Variants in ZMIZ1 observed in about 807,000 individuals in gnomAD.
ZMIZ1 encodes the protein zinc finger MIZ-type containing 1.
In ZMIZ1, 17 loss-of-function variants were observed where a neutral mutation model predicts 113.9. The ratio of observed to expected loss-of-function variants is 0.15; its 90% CI spans 0.10 to 0.22. The LOEUF (loss-of-function observed/expected upper bound fraction) is 0.22, where lower values mean the gene tolerates loss of function less well. Ranked by LOEUF, ZMIZ1 falls within the 10% of genes least tolerant of loss-of-function variation. The pLI, the probability that ZMIZ1 is intolerant of heterozygous loss-of-function variation, is 1.00. For missense variants in ZMIZ1, 1,059 were observed against 1,477.8 expected (o/e 0.72, Z 4.65); for synonymous variants, 607 against 603.1 (o/e 1.01, Z -0.09).
At chr10:79,081,391 T>C (rs704010) in intron 1 of ZMIZ1, among the ~76,000 whole-genome samples, 107,636 of 152,120 alleles carry the variant, frequency 0.71, 39,367 homozygotes, top group African/African-American at 0.91. Context: ...TGAAAATAGC[T>C]TAGCCCAGGT....
intron 7 of ZMIZ1, among the ~76,000 whole-genome samples, chr10:79,224,310 C>T (rs1849114921): frequency 6.6e-6 from 1 of 152,128 alleles, no homozygotes; most frequent in African/African-American, 2.4e-5. Flanking sequence ...TGTTTTTAAG[C>T]AGAAGCAGCA....
intron 7 of ZMIZ1, among the ~76,000 whole-genome samples, chr10:79,251,367 C>T (rs192534945): frequency 4.3e-4 from 66 of 152,294 alleles, no homozygotes; most frequent in African/African-American, 1.5e-3. Context: ...GGGATCTCAT[C>T]GCCCCTGAGC....
At chr10:79,076,294 C>G (rs1194656885) in intron 1 of ZMIZ1, among the ~76,000 whole-genome samples, 1 of 152,164 alleles carries the variant, frequency 6.6e-6, no homozygotes, top group East Asian at 1.9e-4. Flanking sequence ...TGGCACAGCC[C>G]CCCTTAGCCA....
intron 1 of ZMIZ1, among the ~76,000 whole-genome samples, chr10:79,115,506 G>A (rs1210086957): frequency 2.6e-5 from 4 of 152,174 alleles, no homozygotes; most frequent in African/African-American, 4.8e-5. Context: ...CATCATCGCT[G>A]GTACAGTGGA....
chr10:79,299,509 C>A (rs144023148), intron 16 of ZMIZ1, among the ~76,000 whole-genome samples: 32 of 152,210 alleles, frequency 2.1e-4, no homozygotes, highest in Non-Finnish European at 3.4e-4. Context: ...CAAGAGGGAA[C>A]GCAGTCAAGA....
intron 7 of ZMIZ1, among the ~76,000 whole-genome samples, chr10:79,254,497 C>A (rs533912137): frequency 6.6e-6 from 1 of 152,242 alleles, no homozygotes; most frequent in East Asian, 1.9e-4. Flanking sequence ...GAGTGCTGCT[C>A]TTGCTCTAAC....
intron 1 of ZMIZ1, among the ~76,000 whole-genome samples, chr10:79,107,320 T>G (rs1843595538): frequency 6.6e-6 from 1 of 152,254 alleles, no homozygotes; most frequent in South Asian, 2.1e-4. Flanking sequence ...TTTGAACTAC[T>G]TCTGGCCGTG....
chr10:79,195,608 C>A (rs1314148401), intron 4 of ZMIZ1, among the ~76,000 whole-genome samples: 1 of 152,208 alleles, frequency 6.6e-6, no homozygotes, highest in African/African-American at 2.4e-5. Flanking sequence ...GCTCTTGTGG[C>A]GAAGGGCGAC....
intron 7 of ZMIZ1, among the ~76,000 whole-genome samples, chr10:79,221,880 T>C (rs1848987236): frequency 6.6e-6 from 1 of 152,266 alleles, no homozygotes; most frequent in Admixed American, 6.5e-5. Flanking sequence ...GCCTGCTGCC[T>C]TCTCGCGCCC....
In ZMIZ1 at chr10:79,226,643, C is replaced by T. The variant is rs75263505; in HGVS notation, c.280+10369C>T. On this transcript the variant is annotated intron_variant, in intron 7 of 24. Transcript: ENST00000334512. ...CCCAGAGGAGGGATTTCAGGGGATT[C>T]GAGGGTGTGAGAGTGAAATGGAGCA... Among the ~76,000 whole-genome samples, 1,352 of 152,232 alleles carry T rather than the reference C, an allele frequency of 8.9e-3. 14 individuals are homozygous for T. Among genetic ancestry groups the T allele is most frequent in the Non-Finnish European group, 0.015 (1,046 of 68,006 alleles).
intron 7 of ZMIZ1, among the ~76,000 whole-genome samples, chr10:79,240,051 G>A (rs1849750991): frequency 6.6e-6 from 1 of 152,100 alleles, no homozygotes; most frequent in Non-Finnish European, 1.5e-5. Context: ...GCTCCTCCTC[G>A]CCAGGGCCCA....
Position 79,210,666 on chromosome 10 carries a change from G to A in ZMIZ1, c.174+2217G>A, listed in dbSNP as rs537557591. Among the ~76,000 whole-genome samples, 269 of 152,372 alleles carry A rather than the reference G, an allele frequency of 1.8e-3. 1 individual carries two copies. The highest frequency in any genetic ancestry group is 3.1e-3 in the Non-Finnish European group (214 of 68,044). On this transcript the variant is annotated intron_variant, in intron 6 of 24. Transcript: ENST00000334512. Reference sequence around the variant, plus strand: ...TGGCTGGAGCCCAGGGAAGGGAGAAGCATGTGAGATGAGGCAGAGGAAGGA... The same window carrying A: ...TGGCTGGAGCCCAGGGAAGGGAGAAACATGTGAGATGAGGCAGAGGAAGGA...
In ZMIZ1 at chr10:79,313,803, G is replaced by T. The variant is rs1031111133; in HGVS notation, c.*1054G>T. 2.3e-5 allele frequency: 8 copies of T among 344,070 alleles called. No homozygotes were observed. The highest frequency in any genetic ancestry group is 1.5e-4 in the African/African-American group (7 of 46,508). The allele number at this position is 344,070 out of a possible 1,614,324, so 21.3% of individuals were successfully genotyped here. A position where few individuals can be genotyped will look rare whatever the true frequency, so the allele number is the denominator to read the frequency against. ...CTCCTGCCACCTCTCCAAGACTTCC[G>T]TGGGACACCCACTTCCCTCTGTCCT... On this transcript the variant is annotated 3_prime_UTR_variant, in exon 25 of 25. Transcript: ENST00000334512.
At chr10:79,200,755 G>A (rs1039789477) in intron 4 of ZMIZ1, among the ~76,000 whole-genome samples, 7 of 152,184 alleles carry the variant, frequency 4.6e-5, no homozygotes, top group African/African-American at 9.7e-5. Context: ...AGAGTTGTGA[G>A]TGGTTTGTAA....
rs1853920838 is a variant in ZMIZ1 at position 79,296,725 on chromosome 10, G to A, written c.1413+72G>A. The A allele has an allele frequency of 1.4e-6, 2 of 1,424,200 alleles. No individual in the cohort carries two copies. The highest frequency in any genetic ancestry group is 1.9e-6 in the Non-Finnish European group (2 of 1,059,242). The allele number at this position is 1,424,200 out of a possible 1,614,324, so 88.2% of individuals were successfully genotyped here. ...CCACCTCACTCCCCTAACTCCACCGGGATCACTCTGACCCTGCGTGTGTTT... is the reference window on the plus strand; with the variant it reads ...CCACCTCACTCCCCTAACTCCACCGAGATCACTCTGACCCTGCGTGTGTTT... On this transcript the variant is annotated intron_variant, in intron 13 of 24. Coordinates refer to ENST00000334512, the MANE Select transcript of ZMIZ1 (RefSeq NM_020338.4). The surrounding 1 kb of genome is among the most constrained non-coding windows in gnomAD (Gnocchi z 4.1).
At chr10:79,216,108 G>A (rs1848717549) in intron 6 of ZMIZ1, 61 bp from the exon 7 acceptor site, 2 of 1,254,104 alleles carry the variant, frequency 1.6e-6, no homozygotes, top group African/African-American at 3.1e-5. Context: ...CCTGCAAAAT[G>A]GGCATATCCA....
At position 79,314,465 on chromosome 10, in the gene ZMIZ1, C is replaced by T; in HGVS notation, c.*1716C>T. On this transcript the variant is annotated 3_prime_UTR_variant, in exon 25 of 25. Transcript: ENST00000334512. Reference sequence around the variant, plus strand: ...GTTTTCTGTAGGAAAGCTGCCATTGCCCCGGCCCCTTTTCTTCCTTTGTCC... The same window carrying T: ...GTTTTCTGTAGGAAAGCTGCCATTGTCCCGGCCCCTTTTCTTCCTTTGTCC... 20 of 342,716 alleles carry T rather than the reference C, an allele frequency of 5.8e-5. No individual in the cohort carries two copies. Among genetic ancestry groups the T allele is most frequent in the South Asian group, 4.2e-4 (19 of 44,906 alleles). The allele number at this position is 342,716 out of a possible 1,614,324, so 21.2% of individuals were successfully genotyped here.
chr10:79,192,029 A>G (rs903574827), intron 4 of ZMIZ1, among the ~76,000 whole-genome samples: 1 of 152,228 alleles, frequency 6.6e-6, no homozygotes, highest in African/African-American at 2.4e-5. Context: ...AGAAAGCCCA[A>G]GGGGCCTTCT....
chr10:79,208,558 G>A (rs767163700), intron 6 of ZMIZ1, 109 bp downstream of exon 6: 5 of 917,724 alleles, frequency 5.4e-6, no homozygotes, highest in Non-Finnish European at 8.3e-6. Context: ...GGTGACACCA[G>A]TGAGAGAGCT....
Sources: allele counts gnomAD v4.1 joint callset (sites outside exome capture counted in the v4.1 genomes callset), GRCh38; gene constraint gnomAD v4.1.1; non-coding constraint Gnocchi (gnomAD v3.1); transcripts MANE v1.5; gene names NCBI Gene and HGNC (gene_info 2026-07-23, HGNC 2026-07-21).